The following ZFYVE1 variants were observed in gnomAD, a reference collection of about 807,000 sequenced individuals.
ZFYVE1 encodes the protein zinc finger FYVE-type containing 1.
ZFYVE1 carries 30 observed loss-of-function variants against 74.4 expected under a neutral mutation model. That is an observed-to-expected ratio of 0.40 (90% confidence interval 0.30 to 0.55). ZFYVE1 has a LOEUF of 0.55. ZFYVE1 is among the 20% of genes least tolerant of loss of function. The pLI is 0.42. For synonymous variants in ZFYVE1, 335 were observed against 385.1 expected, an observed-to-expected ratio of 0.87 and a Z score of 1.52; for missense variants, 703 against 1,011.6, an observed-to-expected ratio of 0.69 and a Z score of 4.14.
chr14:72,994,940 A>T (rs1893709705), intron 3 of ZFYVE1, among the ~76,000 whole-genome samples: 1 of 152,228 alleles, frequency 6.6e-6, no homozygotes, highest in African/African-American at 2.4e-5. Context: ...CTACCAATGT[A>T]TAAGGGTATT....
intron 2 of ZFYVE1, among the ~76,000 whole-genome samples, chr14:73,003,303 C>T (rs1281981908): frequency 6.6e-6 from 1 of 152,046 alleles, no homozygotes; most frequent in Admixed American, 6.6e-5. Context: ...GGTGATCTGC[C>T]TCTCCACCTC....
intron 5 of ZFYVE1, among the ~76,000 whole-genome samples, chr14:72,980,536 A>AATTTATTT (rs777150047): frequency 0.038 from 3,096 of 81,440 alleles, 73 homozygotes; most frequent in East Asian, 0.14. Context: ...AGAATTAATT[A>AATTTATTT]ATTTATTTAT....
chr14:73,007,141 T>C (rs1893998099), intron 2 of ZFYVE1, among the ~76,000 whole-genome samples: 1 of 152,090 alleles, frequency 6.6e-6, no homozygotes. Flanking sequence ...AGAATCATTC[T>C]AGAATGAAAG....
chr14:72,969,702 A>G lies in ZFYVE1; in HGVS notation c.*1180T>C. ...ACTGAAGATCAAATCCACCATGATGATAGGATTTCAGCACAACGGGCCCTT... is the reference window on the plus strand; with the variant it reads ...ACTGAAGATCAAATCCACCATGATGGTAGGATTTCAGCACAACGGGCCCTT... On this transcript the variant is annotated 3_prime_UTR_variant, in exon 12 of 12. Transcript: ENST00000556143. 1 of 702,554 alleles carries G rather than the reference A, an allele frequency of 1.4e-6. No homozygotes were observed. 43.5% of individuals were successfully genotyped at this position (702,554 alleles called of 1,614,324 possible).
chr14:73,017,663 C>T (rs548551889), intron 2 of ZFYVE1, among the ~76,000 whole-genome samples: 3 of 152,258 alleles, frequency 2.0e-5, no homozygotes, highest in East Asian at 3.9e-4. Context: ...ATCAGCACTC[C>T]TACTTTACCT....
intron 2 of ZFYVE1, among the ~76,000 whole-genome samples, chr14:73,011,913 T>A (rs1157478261): frequency 1.3e-5 from 2 of 151,342 alleles, no homozygotes; most frequent in Non-Finnish European, 2.9e-5. Flanking sequence ...AAACATTCAA[T>A]CTTCTTCAAA....
Position 72,969,968 on chromosome 14 carries a change from A to G in ZFYVE1, c.*914T>C. 1 of 444,670 alleles carries G rather than the reference A, an allele frequency of 2.2e-6. No homozygotes were observed. The highest frequency in any genetic ancestry group is 5.4e-4 in the Middle Eastern group (1 of 1,848). The allele number at this position is 444,670 out of a possible 1,614,324, so 27.5% of individuals were successfully genotyped here. On this transcript the variant is annotated 3_prime_UTR_variant, in exon 12 of 12. Transcript: ENST00000556143. The stretch of plus-strand genomic sequence containing the variant: ...GGGAACAAAGGATTAAGACACTTTA[A>G]AATAAGCAATGAAAATCCTAGTGCG...
At chr14:72,996,271 A>C (rs779461912) in intron 3 of ZFYVE1, among the ~76,000 whole-genome samples, 1 of 152,226 alleles carries the variant, frequency 6.6e-6, no homozygotes, top group South Asian at 2.1e-4. Context: ...GCAGAAGTAT[A>C]CATGATCTGA....
Position 72,998,282 on chromosome 14 carries a change from C to A in ZFYVE1, c.517G>T (p.Asp173Tyr). 6.6e-7 allele frequency: 1 copy of A among 1,522,718 alleles called. No individual in the cohort carries two copies. The allele number at this position is 1,522,718 out of a possible 1,614,324, so 94.3% of individuals were successfully genotyped here. A position where few individuals can be genotyped will look rare whatever the true frequency, so the allele number is the denominator to read the frequency against. The change falls in exon 3 of 12, where the codon GAC becomes TAC. Residue 173 changes from aspartate to tyrosine, a missense_variant. Asp to Tyr is a radical substitution (Grantham distance 160). Around this residue, in one of 2 missense-constraint regions of ZFYVE1, gnomAD observed 211 missense variants for 221.7 expected, o/e 0.95. Coordinates refer to ENST00000556143, the MANE Select transcript of ZFYVE1 (RefSeq NM_021260.4). Reference protein sequence around the residue: ...TNEEDFIRKLDCKPDQHLKVV... With the variant: ...TNEEDFIRKLYCKPDQHLKVV... ...TTCAGATGCTGATCAGGTTTGCAGT[C>A]CAATTTTCTAATAAAGTCTTCTTCA...
Position 73,022,742 on chromosome 14 carries a change from C to T in ZFYVE1, c.483+1284G>A, listed in dbSNP as rs184457430. ...ATTCAAAAGTATAAACATTATACTA[C>T]CCCTTCCCCAATCTCACCTAGCTGT... On this transcript the variant is annotated intron_variant, in intron 2 of 11. Coordinates refer to ENST00000556143, the MANE Select transcript of ZFYVE1 (RefSeq NM_021260.4). 4.6e-5 allele frequency among the ~76,000 whole-genome samples: 7 copies of T among 152,248 alleles called. No individual in the cohort carries two copies. The East Asian group carries it at 1.2e-3, about 25-fold the overall frequency.
chr14:73,018,815 G>A (rs1022648872), intron 2 of ZFYVE1, among the ~76,000 whole-genome samples: 15 of 151,788 alleles, frequency 9.9e-5, no homozygotes, highest in Admixed American at 6.6e-4. Flanking sequence ...GTGGTGGCGC[G>A]CACCTGTAAT....
intron 2 of ZFYVE1, among the ~76,000 whole-genome samples, chr14:73,023,168 ATATATAT>A (rs1567366490): frequency 4.3e-4 from 52 of 121,800 alleles, no homozygotes; most frequent in African/African-American, 6.0e-4. Flanking sequence ...CTCAAAAAAT[ATATATAT>A]ATATATATAT....
chr14:72,974,699 T>C, intron 10 of ZFYVE1, 80 bp downstream of exon 10: 1 of 1,500,598 alleles, frequency 6.7e-7, no homozygotes, highest in Non-Finnish European at 9.0e-7. Context: ...TTAGGGCATC[T>C]GGATATCCAG....
At position 72,995,058 on chromosome 14, in the gene ZFYVE1, T is replaced by TTTTA. The variant is rs530658295; in HGVS notation, c.989-1705_989-1702dup. Among the ~76,000 whole-genome samples, 483 of 152,246 alleles carry TTTTA rather than the reference T, an allele frequency of 3.2e-3. 4 individuals are homozygous for TTTTA. The highest frequency in any genetic ancestry group is 5.1e-3 in the Admixed American group (78 of 15,294). On this transcript the variant is annotated intron_variant, in intron 3 of 11. Coordinates refer to ENST00000556143, the MANE Select transcript of ZFYVE1 (RefSeq NM_021260.4). The stretch of plus-strand genomic sequence containing the variant: ...GGTTGAAAGGACTTTTTAATTTCCT[T>TTTTA]TTTATTTATTTATTTATTTATTTAC...
At chr14:73,016,338 C>T (rs1286204471) in intron 2 of ZFYVE1, among the ~76,000 whole-genome samples, 4 of 152,050 alleles carry the variant, frequency 2.6e-5, no homozygotes, top group Non-Finnish European at 5.9e-5. Context: ...GGTGAAACCC[C>T]GTCTCTACTA....
chr14:73,019,161 T>C (rs553126182), intron 2 of ZFYVE1, among the ~76,000 whole-genome samples: 1 of 152,290 alleles, frequency 6.6e-6, no homozygotes, highest in African/African-American at 2.4e-5. Context: ...AAGCTTTTAG[T>C]CCTTTTACAT....
chr14:72,982,263 T>C (rs538133059), intron 4 of ZFYVE1, among the ~76,000 whole-genome samples: 1 of 152,266 alleles, frequency 6.6e-6, no homozygotes, highest in East Asian at 1.9e-4. Context: ...GGCTCCTCTT[T>C]AAGCCACAGG....
chr14:73,015,392 G>T (rs149127777), intron 2 of ZFYVE1, among the ~76,000 whole-genome samples: 5,880 of 14,926 alleles, frequency 0.39, 441 homozygotes, highest in South Asian at 0.55. Flanking sequence ...GGGGAAGGAA[G>T]AGGGGAAGGA....
At chr14:72,988,365 G>C (rs528781021) in intron 4 of ZFYVE1, among the ~76,000 whole-genome samples, 68 of 151,888 alleles carry the variant, frequency 4.5e-4, no homozygotes, top group Admixed American at 7.2e-4. Flanking sequence ...CACAGAGATG[G>C]GGTTTTGCCG....
Sources: allele counts gnomAD v4.1 joint callset (sites outside exome capture counted in the v4.1 genomes callset), GRCh38; gene constraint gnomAD v4.1.1; regional missense constraint gnomAD v4.1.1; transcripts MANE v1.5; gene names NCBI Gene and HGNC (gene_info 2026-07-23, HGNC 2026-07-21).